NEGR1: variants seen among roughly 807,000 people sequenced by gnomAD.
The protein encoded by NEGR1 is IgLON family member 4.
NEGR1 carries 10 observed loss-of-function variants against 40.9 expected under a neutral mutation model. The ratio of observed to expected loss-of-function variants is 0.24; its 90% CI spans 0.15 to 0.42. NEGR1 has a LOEUF of 0.42. NEGR1 is among the 10% of genes least tolerant of loss of function. The pLI is 1.00. For missense variants in NEGR1, 352 were observed against 438.9 expected (o/e 0.80, Z 1.77); for synonymous variants, 185 against 166.8 (o/e 1.11, Z -0.84).
intron 2 of NEGR1, among the ~76,000 whole-genome samples, chr1:71,816,515 C>A (rs1326572632): frequency 2.6e-5 from 4 of 151,962 alleles, no homozygotes; most frequent in African/African-American, 9.7e-5. Context: ...TGCAGGGGAA[C>A]TGCCCTTTAT....
intron 1 of NEGR1, among the ~76,000 whole-genome samples, chr1:72,058,049 G>C (rs1415663403): frequency 6.6e-6 from 1 of 151,346 alleles, no homozygotes; most frequent in African/African-American, 2.4e-5. Flanking sequence ...ATTATTTACT[G>C]ACTTAGTTGG....
intron 6 of NEGR1, among the ~76,000 whole-genome samples, chr1:71,419,126 A>C (rs1262292157): frequency 6.6e-6 from 1 of 152,130 alleles, no homozygotes; most frequent in African/African-American, 2.4e-5. Context: ...GTATTATTGG[A>C]CTGGCTTTCC....
chr1:71,532,020 C>T (rs1339675367), intron 6 of NEGR1, among the ~76,000 whole-genome samples: 1 of 151,336 alleles, frequency 6.6e-6, no homozygotes, highest in Non-Finnish European at 1.5e-5. Flanking sequence ...AACTATTTAA[C>T]TAACTTATAC....
intron 3 of NEGR1, among the ~76,000 whole-genome samples, chr1:71,771,852 T>A (rs1656343228): frequency 6.6e-6 from 1 of 151,758 alleles, no homozygotes; most frequent in African/African-American, 2.4e-5. Context: ...TAGAAAAAAA[T>A]CATCAGTTTG....
At chr1:71,778,637 T>C (rs1463998104) in intron 2 of NEGR1, among the ~76,000 whole-genome samples, 1 of 152,188 alleles carries the variant, frequency 6.6e-6, no homozygotes. Flanking sequence ...TAGAAGATAG[T>C]ATATAGGGCT....
chr1:72,152,047 T>C (rs1651146339), intron 1 of NEGR1, among the ~76,000 whole-genome samples: 1 of 151,812 alleles, frequency 6.6e-6, no homozygotes, highest in Non-Finnish European at 1.5e-5. Flanking sequence ...TATGGAATAC[T>C]GCATACAACA....
intron 2 of NEGR1, among the ~76,000 whole-genome samples, chr1:71,906,053 T>C (rs890952234): frequency 5.3e-5 from 8 of 152,080 alleles, no homozygotes; most frequent in East Asian, 3.9e-4. Context: ...CTGCAGCAAA[T>C]TGAGCAATTT....
At chr1:71,641,698 C>T (rs1194959146) in intron 4 of NEGR1, among the ~76,000 whole-genome samples, 1 of 151,944 alleles carries the variant, frequency 6.6e-6, no homozygotes, top group East Asian at 1.9e-4. Flanking sequence ...GTAAGCAGAA[C>T]CAGTCATGCA....
chr1:71,423,639 A>G (rs1646411131), intron 6 of NEGR1, among the ~76,000 whole-genome samples: 3 of 152,136 alleles, frequency 2.0e-5, no homozygotes, highest in Admixed American at 2.0e-4. Context: ...CTTGCCATAG[A>G]TAACTTACTA....
intron 4 of NEGR1, among the ~76,000 whole-genome samples, chr1:71,616,453 G>A (rs1376625869): frequency 6.6e-6 from 1 of 152,214 alleles, no homozygotes; most frequent in Non-Finnish European, 1.5e-5. Context: ...CTGGGGAGTG[G>A]CTGCAAATAC....
intron 6 of NEGR1, among the ~76,000 whole-genome samples, chr1:71,553,418 C>A (rs1272481689): frequency 6.6e-6 from 1 of 151,500 alleles, no homozygotes; most frequent in African/African-American, 2.4e-5. Flanking sequence ...TTATTTAAAG[C>A]AATTTTATCT....
chr1:71,443,848 T>C (rs1646563918), intron 6 of NEGR1, among the ~76,000 whole-genome samples: 1 of 152,236 alleles, frequency 6.6e-6, no homozygotes, highest in Middle Eastern at 3.2e-3. Context: ...AAGTCGTGAT[T>C]AACTGAGGTC....
intron 6 of NEGR1, among the ~76,000 whole-genome samples, chr1:71,537,340 T>G (rs113946795): frequency 1.2e-3 from 185 of 151,820 alleles, no homozygotes; most frequent in African/African-American, 4.2e-3. Flanking sequence ...AATATCCTAT[T>G]AACATTCATT....
At chr1:71,495,478 G>GAA (rs59058061) in intron 6 of NEGR1, among the ~76,000 whole-genome samples, 1 of 135,992 alleles carries the variant, frequency 7.4e-6, no homozygotes, top group Non-Finnish European at 1.6e-5. Flanking sequence ...CTCCATCTCG[G>GAA]AAAAAAAAAA....
intron 2 of NEGR1, among the ~76,000 whole-genome samples, chr1:71,808,527 G>C (rs1362837050): frequency 6.6e-6 from 1 of 152,122 alleles, no homozygotes; most frequent in East Asian, 1.9e-4. Context: ...AGCTGGTTCA[G>C]GCCTACAAGT....
intron 6 of NEGR1, among the ~76,000 whole-genome samples, chr1:71,470,626 G>T (rs1279154389): frequency 6.6e-6 from 1 of 152,008 alleles, no homozygotes; most frequent in Non-Finnish European, 1.5e-5. Flanking sequence ...AATTTTATGT[G>T]CAGGTTCAAC....
intron 3 of NEGR1, among the ~76,000 whole-genome samples, chr1:71,722,507 T>C (rs1654542752): frequency 6.6e-6 from 1 of 152,126 alleles, no homozygotes; most frequent in Non-Finnish European, 1.5e-5. Flanking sequence ...TAATTTTCAT[T>C]TCCTACAGTC....
intron 4 of NEGR1, among the ~76,000 whole-genome samples, chr1:71,671,327 C>T (rs1331913687): frequency 6.6e-6 from 1 of 152,070 alleles, no homozygotes. Flanking sequence ...AAGTAAAGAG[C>T]AACCTTCAGA....
chr1:72,017,642 G>A (rs1185750146), intron 1 of NEGR1, among the ~76,000 whole-genome samples: 3 of 151,478 alleles, frequency 2.0e-5, no homozygotes, highest in African/African-American at 7.3e-5. Flanking sequence ...AGATGTAGTT[G>A]GTCTTTCTTG....
Sources: gnomAD v4.1 joint callset for allele counts (sites outside exome capture counted in the v4.1 genomes callset) on GRCh38, gnomAD v4.1.1 for gene constraint, MANE v1.5 for transcripts, NCBI Gene and HGNC (gene_info 2026-07-23, HGNC 2026-07-21) for gene names.